HDAC9: variants seen among roughly 807,000 people sequenced by gnomAD.
HDAC9 encodes histone deacetylase 9.
Under a neutral mutation model 139.4 loss-of-function variants are expected in HDAC9, and 41 were observed. The ratio of observed to expected loss-of-function variants is 0.29; its 90% CI spans 0.23 to 0.38. The LOEUF (loss-of-function observed/expected upper bound fraction) is 0.38. Ranked by LOEUF, HDAC9 falls within the 10% of genes least tolerant of loss-of-function variation. HDAC9 has a pLI of 1.00. For missense variants in HDAC9, 1,147 were observed against 1,297.0 expected (o/e 0.88, Z 1.78); for synonymous variants, 517 against 476.2 (o/e 1.09, Z -1.12).
intron 21 of HDAC9, among the ~76,000 whole-genome samples, chr7:18,861,307 T>G (rs894463306): frequency 6.6e-6 from 1 of 152,124 alleles, no homozygotes; most frequent in African/African-American, 2.4e-5. Flanking sequence ...TGTTTCAACA[T>G]TTTGTTGTTT....
chr7:18,811,920 T>G (rs1339396853), intron 17 of HDAC9, among the ~76,000 whole-genome samples: 6 of 151,620 alleles, frequency 4.0e-5, no homozygotes, highest in Admixed American at 3.9e-4. Context: ...CTTGATATAT[T>G]CACAGGGGAT....
At chr7:18,195,850 A>G (rs533880201) in intron 2 of HDAC9, among the ~76,000 whole-genome samples, 1 of 152,170 alleles carries the variant, frequency 6.6e-6, no homozygotes, top group Non-Finnish European at 1.5e-5. Context: ...GAACACATAT[A>G]TTATGTTCAT....
At chr7:18,983,295 G>T (rs1463314298) in intron 25 of HDAC9, among the ~76,000 whole-genome samples, 2 of 152,058 alleles carry the variant, frequency 1.3e-5, no homozygotes, top group Admixed American at 1.3e-4. Context: ...CTTTTTTAAG[G>T]CTGAATAATA....
chr7:18,648,410 ATGTGTGTG>A (rs145105320), intron 10 of HDAC9, 48 bp from the exon 11 acceptor site: 11,122 of 1,056,978 alleles, frequency 0.011, 59 homozygotes, highest in Non-Finnish European at 0.014. Context: ...GTGTGTGTGT[ATGTGTGTG>A]TGTGTGTGTG....
chr7:18,121,723 A>G (rs1413673100), intron 1 of HDAC9, among the ~76,000 whole-genome samples: 1 of 152,148 alleles, frequency 6.6e-6, no homozygotes, highest in Non-Finnish European at 1.5e-5. Flanking sequence ...AGCATCAGGA[A>G]CACTGAGGCC....
intron 2 of HDAC9, among the ~76,000 whole-genome samples, chr7:18,245,763 A>G (rs890988939): frequency 2.6e-5 from 4 of 152,090 alleles, no homozygotes; most frequent in Non-Finnish European, 5.9e-5. Flanking sequence ...ATTCTCCACA[A>G]AGTCCCTCCT....
chr7:18,479,260 TAATCTACTTGGA>T (rs1354851123), intron 1 of HDAC9, among the ~76,000 whole-genome samples: 1 of 152,222 alleles, frequency 6.6e-6, no homozygotes, highest in Non-Finnish European at 1.5e-5. Flanking sequence ...TATATATGTT[TAATCTACTTGGA>T]ATTGATTTTC....
At chr7:18,939,051 A>G (rs1406609351) in intron 23 of HDAC9, among the ~76,000 whole-genome samples, 2 of 152,242 alleles carry the variant, frequency 1.3e-5, no homozygotes, top group East Asian at 1.9e-4. Context: ...TATATTGACT[A>G]TTGAACTTAC....
At chr7:18,110,406 A>G (rs898299559) in intron 1 of HDAC9, among the ~76,000 whole-genome samples, 38 of 152,324 alleles carry the variant, frequency 2.5e-4, no homozygotes, top group African/African-American at 8.9e-4. Context: ...AAAAGTGGCA[A>G]GGATACTTAC....
intron 22 of HDAC9, among the ~76,000 whole-genome samples, chr7:18,881,610 AT>A (rs1260178357): frequency 6.6e-6 from 1 of 152,012 alleles, no homozygotes; most frequent in Non-Finnish European, 1.5e-5. Flanking sequence ...TAAGTGTCTA[AT>A]TTTTTCCACA....
At chr7:18,445,180 C>A (rs1195324020) in intron 1 of HDAC9, among the ~76,000 whole-genome samples, 1 of 152,136 alleles carries the variant, frequency 6.6e-6, no homozygotes, top group East Asian at 1.9e-4. Flanking sequence ...CATATCATGG[C>A]AACAGATTAC....
chr7:18,867,308 A>G (rs981830304), intron 21 of HDAC9, among the ~76,000 whole-genome samples: 1 of 152,162 alleles, frequency 6.6e-6, no homozygotes, highest in Non-Finnish European at 1.5e-5. Flanking sequence ...AATCCTCCTT[A>G]TTCTCCTACG....
intron 1 of HDAC9, among the ~76,000 whole-genome samples, chr7:18,324,277 C>G (rs1800265850): frequency 6.6e-6 from 1 of 152,068 alleles, no homozygotes; most frequent in African/African-American, 2.4e-5. Flanking sequence ...CTACAAAATG[C>G]TAGTAGGAAC....
chr7:18,716,142 A>G (rs760896466), intron 12 of HDAC9, among the ~76,000 whole-genome samples: 7 of 152,290 alleles, frequency 4.6e-5, no homozygotes, highest in Middle Eastern at 3.4e-3. Context: ...TCAGGCTATT[A>G]TCTCTAGACC....
intron 2 of HDAC9, among the ~76,000 whole-genome samples, chr7:18,166,076 C>T (rs1787994147): frequency 6.6e-6 from 1 of 152,270 alleles, no homozygotes; most frequent in Non-Finnish European, 1.5e-5. Flanking sequence ...TACATCAACC[C>T]TAACATGATT....
At chr7:18,590,662 CATT>C (rs1830689668) in intron 4 of HDAC9, among the ~76,000 whole-genome samples, 176 bp downstream of exon 4, 1 of 152,196 alleles carries the variant, frequency 6.6e-6, no homozygotes, top group South Asian at 2.1e-4. Context: ...CAGCTCACAT[CATT>C]GAGTCTGCAG....
intron 1 of HDAC9, among the ~76,000 whole-genome samples, chr7:18,142,752 T>G (rs1785999891): frequency 6.6e-6 from 1 of 152,200 alleles, no homozygotes; most frequent in Non-Finnish European, 1.5e-5. Flanking sequence ...TTACTTCCCT[T>G]GAAATGAACA....
chr7:18,551,011 A>G (rs1017056478), intron 2 of HDAC9, among the ~76,000 whole-genome samples: 1 of 152,240 alleles, frequency 6.6e-6, no homozygotes, highest in African/African-American at 2.4e-5. Flanking sequence ...ATTATTATTC[A>G]TATTATTAAC....
At chr7:18,417,556 T>A (rs1387744092) in intron 1 of HDAC9, among the ~76,000 whole-genome samples, 4 of 152,344 alleles carry the variant, frequency 2.6e-5, no homozygotes, top group Admixed American at 2.0e-4. Context: ...TGCAGTTAAG[T>A]TACTTATAAA....
Sources: allele counts gnomAD v4.1 joint callset (sites outside exome capture counted in the v4.1 genomes callset), GRCh38; gene constraint gnomAD v4.1.1; transcripts MANE v1.5; gene names NCBI Gene and HGNC (gene_info 2026-07-23, HGNC 2026-07-21).